Variants in MYT1 observed in about 807,000 individuals in gnomAD.
The protein encoded by MYT1 is myelin transcription factor I.
In MYT1, 23 loss-of-function variants were observed where a neutral mutation model predicts 123.0. That is an observed-to-expected ratio of 0.19 (90% CI 0.13 to 0.26). The LOEUF (loss-of-function observed/expected upper bound fraction) is 0.26. MYT1 is among the 10% of genes least tolerant of loss of function. The pLI is 1.00. For missense variants in MYT1, 1,125 were observed against 1,472.5 expected (o/e 0.76, Z 3.86); for synonymous variants, 518 against 575.3 (o/e 0.90, Z 1.43).
At chr20:64,199,417 G>C (rs924132330) in intron 3 of MYT1, among the ~76,000 whole-genome samples, 4 of 152,168 alleles carry the variant, frequency 2.6e-5, no homozygotes, top group African/African-American at 7.2e-5. Flanking sequence ...CATCTCAGGT[G>C]TGCCTGCCCC....
Position 64,217,158 on chromosome 20 carries a change from A to C in MYT1, c.1723A>C (p.Lys575Gln). Residue 575 changes from lysine (K) to glutamine (Q), a missense_variant, in exon 11 of 23, where the codon AAG (lysine) becomes CAG (glutamine). Coordinates refer to ENST00000328439, the MANE Select transcript of MYT1 (RefSeq NM_004535.3). ...APATPRANLA[K>Q]ELEKFSKVTF... is the part of the protein sequence containing the mutation. ...CGCCACACCCAGGGCCAACTTGGCC[A>C]AGGAGCTGGAGAAGTTCTCCAAGGT... The C allele has an allele frequency of 3.1e-6, 5 of 1,614,248 alleles. No homozygotes were observed. Among genetic ancestry groups the C allele is most frequent in the Non-Finnish European group, 4.2e-6 (5 of 1,180,046 alleles).
intron 19 of MYT1, among the ~76,000 whole-genome samples, chr20:64,235,808 C>T (rs1984512310): frequency 1.8e-5 from 2 of 108,296 alleles, no homozygotes. Context: ...ACTGGGCTGG[C>T]TGTGGTGGGT....
intron 2 of MYT1, among the ~76,000 whole-genome samples, chr20:64,195,400 A>ATTTTTT (rs1568704696): frequency 2.6e-3 from 20 of 7,816 alleles, no homozygotes; most frequent in Non-Finnish European, 3.4e-3. Flanking sequence ...GTGTGTGTAT[A>ATTTTTT]CTTTTTTTTT....
intron 21 of MYT1, among the ~76,000 whole-genome samples, chr20:64,238,241 A>G (rs1225148751): frequency 2.6e-5 from 4 of 152,370 alleles, no homozygotes; most frequent in Admixed American, 2.0e-4. Context: ...ACAAAGGGAC[A>G]AGGAAGTGAC....
intron 1 of MYT1, among the ~76,000 whole-genome samples, chr20:64,172,741 C>CT (rs33943131): frequency 0.05 from 4,741 of 95,414 alleles, 328 homozygotes; most frequent in Middle Eastern, 0.083. Flanking sequence ...GCCATACCCT[C>CT]TTTTTTTTTT....
At chr20:64,180,191 T>A (rs1982610094) in intron 1 of MYT1, among the ~76,000 whole-genome samples, 2 of 151,750 alleles carry the variant, frequency 1.3e-5, no homozygotes, top group Admixed American at 6.6e-5. Context: ...TCTATACAGT[T>A]ATACACACAT....
In MYT1 at chr20:64,208,611, G is replaced by A; in HGVS notation, c.1291+124G>A. 1 of 1,421,212 alleles carries A rather than the reference G, an allele frequency of 7.0e-7. No homozygotes were observed. Among genetic ancestry groups the A allele is most frequent in the African/African-American group, 1.4e-5 (1 of 69,410 alleles). 88.0% of individuals were successfully genotyped at this position (1,421,212 alleles called of 1,614,324 possible). ...GGGGATGGCAGAAAAGCAGACAAAA[G>A]GACAAATACATGACACAGACTGTGG... On this transcript the variant is annotated intron_variant, in intron 7 of 22. Coordinates refer to ENST00000328439, the MANE Select transcript of MYT1 (RefSeq NM_004535.3). The surrounding 1 kb of genome is among the most constrained non-coding windows in gnomAD (Gnocchi z 5.4).
At chr20:64,220,566 G>A (rs955502040) in intron 13 of MYT1, among the ~76,000 whole-genome samples, 1 of 152,260 alleles carries the variant, frequency 6.6e-6, no homozygotes, top group South Asian at 2.1e-4. Context: ...AGAATCCTCC[G>A]AGGCCACAGC....
intron 10 of MYT1, among the ~76,000 whole-genome samples, chr20:64,214,676 C>T (rs1983784697): frequency 6.6e-6 from 1 of 152,236 alleles, no homozygotes; most frequent in Non-Finnish European, 1.5e-5. Context: ...GGAACTAGAA[C>T]TCACACACAG....
intron 8 of MYT1, 139 bp downstream of exon 8, chr20:64,211,479 C>A (rs1021445386): frequency 1.1e-6 from 1 of 892,832 alleles, no homozygotes; most frequent in Non-Finnish European, 1.6e-6. Context: ...CTCATCCTTA[C>A]ATCTCCCCGC....
In MYT1 at chr20:64,208,437, G is replaced by A; in HGVS notation, c.1241G>A (p.Gly414Glu). The change falls in exon 7 of 23, where the codon GGG becomes GAG. Residue 414 changes from glycine to glutamate, a missense_variant. Coordinates refer to ENST00000328439, the MANE Select transcript of MYT1 (RefSeq NM_004535.3). The surrounding 1 kb of genome is among the most constrained non-coding windows in gnomAD (Gnocchi z 5.4). ...EQSQLGLGEP[G>E]KAAKPLDTVR... ...AGCCAGCTGGGCCTGGGAGAGCCAGGGAAGGCAGCAAAGCCCCTGGACACT... is the reference window on the plus strand; with the variant it reads ...AGCCAGCTGGGCCTGGGAGAGCCAGAGAAGGCAGCAAAGCCCCTGGACACT... 2 of 1,612,970 alleles carry A rather than the reference G, an allele frequency of 1.2e-6. No homozygotes were observed. The highest frequency in any genetic ancestry group is 1.7e-6 in the Non-Finnish European group (2 of 1,179,878).
chr20:64,230,139 C>A (rs1984276625), intron 18 of MYT1, among the ~76,000 whole-genome samples: 2 of 152,188 alleles, frequency 1.3e-5, no homozygotes, highest in African/African-American at 4.8e-5. Context: ...GAAATCCTCT[C>A]CATGTATGCG....
chr20:64,237,468 C>T (rs1172184294), intron 21 of MYT1, 78 bp downstream of exon 21: 3 of 1,117,270 alleles, frequency 2.7e-6, no homozygotes, highest in African/African-American at 1.5e-5. Flanking sequence ...GTGAGGCATC[C>T]GTCGGCACTC....
At position 64,236,603 on chromosome 20, in the gene MYT1, G is replaced by A. The variant is rs1486833320; in HGVS notation, c.2946G>A (p.Leu982=). 3.1e-6 allele frequency: 5 copies of A among 1,613,642 alleles called. No homozygotes were observed. Among genetic ancestry groups the A allele is most frequent in the East Asian group, 2.2e-5 (1 of 44,906 alleles). The change falls in exon 20 of 23, where the codon CTG becomes CTA. Residue 982 remains leucine (L), a synonymous_variant. Transcript: ENST00000328439. ...CCTTTGCTGGAAAGAAGGGAAAACT[G>A]TCAGGGGATGAGGTCCTCAGTCCAA... ...RATFAGKKGK[L]SGDEVLSPKF...
chr20:64,221,690 G>T (rs1984007742), intron 13 of MYT1, among the ~76,000 whole-genome samples: 2 of 152,198 alleles, frequency 1.3e-5, no homozygotes, highest in Admixed American at 6.5e-5. Context: ...TGAAGCAGGG[G>T]AGGGATCCAG....
At chr20:64,195,265 A>G (rs893018134) in intron 2 of MYT1, among the ~76,000 whole-genome samples, 1 of 151,864 alleles carries the variant, frequency 6.6e-6, no homozygotes, top group Non-Finnish European at 1.5e-5. Flanking sequence ...GTTTGTAAAC[A>G]CCCAACTCAG....
At chr20:64,182,613 C>T (rs1379759416) in intron 1 of MYT1, among the ~76,000 whole-genome samples, 3 of 152,186 alleles carry the variant, frequency 2.0e-5, no homozygotes, top group Non-Finnish European at 4.4e-5. Flanking sequence ...CTCTGACCTC[C>T]GTGGCCTGTC....
chr20:64,233,978 G>A (rs1984421050), intron 19 of MYT1, among the ~76,000 whole-genome samples: 1 of 152,228 alleles, frequency 6.6e-6, no homozygotes, highest in East Asian at 1.9e-4. Context: ...GGCCCTGGCA[G>A]AAGGCAGAGG....
chr20:64,179,519 A>C (rs888310977), intron 1 of MYT1, among the ~76,000 whole-genome samples: 3 of 152,156 alleles, frequency 2.0e-5, no homozygotes, highest in Admixed American at 6.5e-5. Context: ...ACAAACCATC[A>C]CTTAACTTTG....
Sources: allele counts gnomAD v4.1 joint callset (sites outside exome capture counted in the v4.1 genomes callset), GRCh38; gene constraint gnomAD v4.1.1; non-coding constraint Gnocchi (gnomAD v3.1); transcripts MANE v1.5; gene names NCBI Gene and HGNC (gene_info 2026-07-23, HGNC 2026-07-21).